TRIM36: variants seen among roughly 807,000 people sequenced by gnomAD.
The protein encoded by TRIM36 is tripartite motif containing 36.
TRIM36 carries 42 observed loss-of-function variants against 72.4 expected under a neutral mutation model. The ratio of observed to expected loss-of-function variants is 0.58; its 90% CI spans 0.45 to 0.75. The LOEUF (loss-of-function observed/expected upper bound fraction) is 0.75. Ranked by LOEUF, TRIM36 falls within the 30% of genes least tolerant of loss-of-function variation. The pLI is 0.00. For missense variants in TRIM36, 913 were observed against 857.1 expected (o/e 1.07, Z -0.81); for synonymous variants, 315 against 282.8 (o/e 1.11, Z -1.14).
upstream of TRIM36, chr5:115,170,992 ACTGCCTT>A: frequency 6.7e-7 from 1 of 1,490,466 alleles, no homozygotes; most frequent in Non-Finnish European, 9.2e-7. Context: ...TAGATCACGC[ACTGCCTT>A]TCTGGCTAGC....
chr5:115,173,461 C>A (rs1194649578), upstream of TRIM36, among the ~76,000 whole-genome samples: 1 of 151,964 alleles, frequency 6.6e-6, no homozygotes, highest in African/African-American at 2.4e-5. Context: ...CAGTCCTGGA[C>A]CACAGGCAGC....
intron 1 of TRIM36, chr5:115,177,545 T>G: frequency 7.2e-7 from 1 of 1,389,154 alleles, no homozygotes; most frequent in South Asian, 1.6e-5. Flanking sequence ...GGTCTGCTAT[T>G]CCATGGTTAA....
rs549392146 is a variant in TRIM36 at position 115,163,220 on chromosome 5, G to A, written c.262+298C>T. ...GATCCACCCGACATGGCCTCCCAAA[G>A]TGCTGGGATTACAGGTGTGAGCCAC... On this transcript the variant is annotated intron_variant, in intron 2 of 9. Coordinates refer to ENST00000513154, the MANE Select transcript of TRIM36 (RefSeq NM_001300759.2). Among the ~76,000 whole-genome samples the A allele has an allele frequency of 3.3e-5, 5 of 152,238 alleles. No homozygotes were observed. The South Asian group carries it at 1.0e-3, about 32-fold the overall frequency.
At chr5:115,150,298 TTA>T (rs1753820861) in intron 2 of TRIM36, among the ~76,000 whole-genome samples, 1 of 152,204 alleles carries the variant, frequency 6.6e-6, no homozygotes, top group African/African-American at 2.4e-5. Flanking sequence ...ACAGTAGCCA[TTA>T]GCCACATGTG....
chr5:115,128,344 G>A (rs981180252), intron 9 of TRIM36, among the ~76,000 whole-genome samples: 6 of 137,142 alleles, frequency 4.4e-5, no homozygotes, highest in African/African-American at 1.7e-4. Context: ...ACTCCAGCCT[G>A]GGCAACAAAA....
chr5:115,140,689 G>T (rs4705729), intron 5 of TRIM36, among the ~76,000 whole-genome samples: 76,019 of 151,894 alleles, frequency 0.5, 20,536 homozygotes, highest in African/African-American at 0.7. Flanking sequence ...GCGCCTTCCT[G>T]TCGACATTAC....
At chr5:115,151,188 G>C (rs1753874340) in intron 2 of TRIM36, among the ~76,000 whole-genome samples, 2 of 152,138 alleles carry the variant, frequency 1.3e-5, no homozygotes, top group South Asian at 4.1e-4. Context: ...ACTGTTGTTG[G>C]GGGTACAGTG....
chr5:115,127,464 G>C lies in TRIM36; in HGVS notation c.1797-607C>G, dbSNP rs150935450. On this transcript the variant is annotated intron_variant, in intron 9 of 9. Coordinates refer to ENST00000513154, the MANE Select transcript of TRIM36 (RefSeq NM_001300759.2). ...TAGTCTCAGCTACTTGGGAGGCTGA[G>C]GCATAAGAATCACTTGAACCCAGGA... 4.6e-5 allele frequency among the ~76,000 whole-genome samples: 7 copies of C among 152,318 alleles called. No homozygotes were observed. In the East Asian group the frequency reaches 1.2e-3, roughly 25 times the overall value.
intron 8 of TRIM36, among the ~76,000 whole-genome samples, chr5:115,132,550 G>GAAAAAAAAAAAAAAAAAAAA (rs11290682): frequency 1.8e-5 from 2 of 110,860 alleles, no homozygotes; most frequent in Non-Finnish European, 1.8e-5. Context: ...CCTCCAAAAA[G>GAAAAAAAAAAAAAAAAAAAA]AAAAAAAAAA....
chr5:115,141,108 T>A lies in TRIM36; in HGVS notation c.831+171A>T, dbSNP rs551110953. On this transcript the variant is annotated intron_variant, in intron 5 of 9. Transcript: ENST00000513154. ...TACCACAGAAGTGACCACACAACAT[T>A]ATAATTCATTTTTTACATTTGTTTC... Among the ~76,000 whole-genome samples, 4 of 152,302 alleles carry A rather than the reference T, an allele frequency of 2.6e-5. No individual in the cohort carries two copies. The South Asian group carries it at 8.3e-4, about 32-fold the overall frequency.
chr5:115,161,410 T>C (rs528273969), intron 2 of TRIM36, among the ~76,000 whole-genome samples: 191 of 152,252 alleles, frequency 1.3e-3, no homozygotes, highest in African/African-American at 4.5e-3. Context: ...CTCCACAATA[T>C]TGCAGACAGT....
chr5:115,141,873 T>C (rs1753294995), intron 4 of TRIM36, among the ~76,000 whole-genome samples: 1 of 152,076 alleles, frequency 6.6e-6, no homozygotes, highest in South Asian at 2.1e-4. Context: ...AATTACACAA[T>C]AATGAAAATA....
At chr5:115,155,746 A>G (rs555806331) in intron 2 of TRIM36, among the ~76,000 whole-genome samples, 4 of 152,318 alleles carry the variant, frequency 2.6e-5, no homozygotes, top group African/African-American at 9.6e-5. Flanking sequence ...TTCTTCTGAT[A>G]ACTGGAACAA....
chr5:115,165,215 T>C (rs1431482932), intron 1 of TRIM36, among the ~76,000 whole-genome samples: 1 of 152,168 alleles, frequency 6.6e-6, no homozygotes, highest in African/African-American at 2.4e-5. Flanking sequence ...TCTACCATTC[T>C]GGGGTCTGGA....
chr5:115,165,185 T>C (rs375226980), intron 1 of TRIM36, among the ~76,000 whole-genome samples: 7 of 152,120 alleles, frequency 4.6e-5, no homozygotes, highest in East Asian at 1.9e-4. Flanking sequence ...CCCAGGCGCA[T>C]GATGAAAGCT....
chr5:115,155,050 A>C (rs1208175029), intron 2 of TRIM36, among the ~76,000 whole-genome samples: 1 of 151,956 alleles, frequency 6.6e-6, no homozygotes, highest in Non-Finnish European at 1.5e-5. Flanking sequence ...TTAGCCGGGC[A>C]TGGTGGTGCA....
At chr5:115,180,031 C>G (rs777715727) in exon 1 of TRIM36, 1 of 1,614,016 alleles carries the variant, frequency 6.2e-7, no homozygotes, top group East Asian at 2.2e-5. Context: ...TCCCCAGACT[C>G]CGACATGTTT....
chr5:115,166,805 A>C (rs955540755), intron 1 of TRIM36, among the ~76,000 whole-genome samples: 1 of 152,046 alleles, frequency 6.6e-6, no homozygotes, highest in Non-Finnish European at 1.5e-5. Context: ...CGGCATCTCC[A>C]AGTTTCTGGG....
chr5:115,137,027 G>A lies in TRIM36; in HGVS notation c.1183C>T (p.Leu395Phe), dbSNP rs868731790. Reference sequence around the variant, plus strand: ...CTAGAGAAAAAGGATAATTCTCCAAGAAGTTCTGTTTGTTTAGAGGTATTA... The same window carrying A: ...CTAGAGAAAAAGGATAATTCTCCAAAAAGTTCTGTTTGTTTAGAGGTATTA... ...VVNTSKQTEL[L>F]GELSFFSSGI... Residue 395 changes from leucine to phenylalanine, a missense_variant, in exon 7 of 10, where the codon CTT (leucine) becomes TTT (phenylalanine). Coordinates refer to ENST00000513154, the MANE Select transcript of TRIM36 (RefSeq NM_001300759.2). The A allele has an allele frequency of 4.4e-6, 7 of 1,604,604 alleles. No individual in the cohort carries two copies. In the African/African-American group the frequency reaches 8.0e-5, roughly 18 times the overall value.
Sources: allele counts gnomAD v4.1 joint callset (sites outside exome capture counted in the v4.1 genomes callset), GRCh38; gene constraint gnomAD v4.1.1; transcripts MANE v1.5; gene names NCBI Gene and HGNC (gene_info 2026-07-23, HGNC 2026-07-21).